The following ADAM23 variants were observed in gnomAD, a reference collection of about 807,000 sequenced individuals.
ADAM23 encodes ADAM metallopeptidase domain 23.
ADAM23 carries 33 observed loss-of-function variants against 120.1 expected under a neutral mutation model. The observed-to-expected ratio is 0.27, with a 90% CI of 0.21 to 0.37. The LOEUF (loss-of-function observed/expected upper bound fraction) is 0.37, where lower values mean the gene tolerates loss of function less well. Among genes scored for constraint, ADAM23 ranks in the 10% least tolerant of loss-of-function variants. The probability of loss-of-function intolerance (pLI) is 1.00; values close to 1 mark genes in which losing one functional copy is unlikely to be tolerated. For synonymous variants in ADAM23, 367 were observed against 375.2 expected, an observed-to-expected ratio of 0.98 and a Z score of 0.25; for missense variants, 862 against 1,058.2, an observed-to-expected ratio of 0.81 and a Z score of 2.57.
At chr2:206,571,605 C>G in intron 16 of ADAM23, 122 bp from the exon 17 acceptor site, 1 of 613,068 alleles carries the variant, frequency 1.6e-6, no homozygotes. Context: ...AATTCTTTCC[C>G]AGAATATTTG....
chr2:206,527,625 C>T (rs902947537), intron 3 of ADAM23, among the ~76,000 whole-genome samples: 1 of 152,168 alleles, frequency 6.6e-6, no homozygotes, highest in Non-Finnish European at 1.5e-5. Flanking sequence ...GCATTTTTCA[C>T]CCTGTTTCCA....
At chr2:206,484,254 G>A (rs988409194) in intron 3 of ADAM23, among the ~76,000 whole-genome samples, 1 of 152,096 alleles carries the variant, frequency 6.6e-6, no homozygotes, top group African/African-American at 2.4e-5. Context: ...CTACTGTAGG[G>A]GTTGGGATGG....
rs1362949148 is a variant in ADAM23, at chr2:206,443,998, C to T, written c.132C>T (p.Cys44=). 2.1e-6 allele frequency: 3 copies of T among 1,401,472 alleles called. No homozygotes were observed. The highest frequency in any genetic ancestry group is 5.1e-5 in the Admixed American group (2 of 39,278). The allele number at this position is 1,401,472 out of a possible 1,614,324, so 86.8% of individuals were successfully genotyped here. Residue 44 remains cysteine, a synonymous_variant, in exon 1 of 26, where the codon TGC becomes TGT. Coordinates refer to ENST00000264377, the MANE Select transcript of ADAM23 (RefSeq NM_003812.4). ...GCGCCCCGGCCCGCACGCCGCCCTGCCGCCTGCTTCTCGTCCTTCTCCTGC... is the reference window on the plus strand; with the variant it reads ...GCGCCCCGGCCCGCACGCCGCCCTGTCGCCTGCTTCTCGTCCTTCTCCTGC... ...PASAPARTPP[C]RLLLVLLLLP...
intron 2 of ADAM23, among the ~76,000 whole-genome samples, chr2:206,477,889 A>ATATATATATATATATATATATATATAT (rs371133867): frequency 1.8e-5 from 1 of 54,508 alleles, no homozygotes; most frequent in African/African-American, 1.0e-4. Context: ...TTAAAAAAAA[A>ATATATATATATATATATATATATATAT]AAAAAAAAAT....
At chr2:206,518,934 G>A (rs762000446) in intron 3 of ADAM23, among the ~76,000 whole-genome samples, 4 of 152,146 alleles carry the variant, frequency 2.6e-5, no homozygotes, top group Admixed American at 6.6e-5. Context: ...TCAAATAGAC[G>A]TGTGTGTTAA....
intron 3 of ADAM23, among the ~76,000 whole-genome samples, chr2:206,506,738 T>C (rs555888774): frequency 3.3e-5 from 5 of 152,362 alleles, no homozygotes; most frequent in African/African-American, 1.2e-4. Context: ...CCCGTCATGC[T>C]TAATCATCAT....
At chr2:206,609,459 A>G (rs1698788564) in intron 24 of ADAM23, among the ~76,000 whole-genome samples, 1 of 152,130 alleles carries the variant, frequency 6.6e-6, no homozygotes, top group South Asian at 2.1e-4. Flanking sequence ...CATTCAGACC[A>G]CTTTTAGGTG....
intron 2 of ADAM23, among the ~76,000 whole-genome samples, chr2:206,478,188 G>A (rs1261386633): frequency 1.3e-5 from 2 of 151,740 alleles, no homozygotes; most frequent in Non-Finnish European, 1.5e-5. Context: ...AGAATGTATA[G>A]CAATGGAAAG....
chr2:206,559,619 C>A (rs1574533693), intron 10 of ADAM23, among the ~76,000 whole-genome samples: 1 of 152,128 alleles, frequency 6.6e-6, no homozygotes, highest in African/African-American at 2.4e-5. Context: ...CAACCTGTTA[C>A]CTGCTATGAG....
chr2:206,587,385 G>T lies in ADAM23; in HGVS notation c.1788+10G>T, dbSNP rs776321885. 2.3e-5 allele frequency: 36 copies of T among 1,591,052 alleles called. No individual in the cohort carries two copies. Among genetic ancestry groups the T allele is most frequent in the East Asian group, 4.5e-5 (2 of 44,578 alleles). ...ATGCAATCAAAATCAGGTATGCTGG[G>T]CTATAAATTTTAAGTGTAATTTAAA... On this transcript the variant is annotated intron_variant, in intron 19 of 25. Transcript: ENST00000264377.
At chr2:206,526,344 A>T (rs562475611) in intron 3 of ADAM23, among the ~76,000 whole-genome samples, 1 of 152,312 alleles carries the variant, frequency 6.6e-6, no homozygotes, top group Middle Eastern at 3.4e-3. Flanking sequence ...ATTTGTGATA[A>T]ATCCTGAAAT....
At chr2:206,601,410 A>G (rs563964609) in intron 24 of ADAM23, among the ~76,000 whole-genome samples, 5 of 152,208 alleles carry the variant, frequency 3.3e-5, no homozygotes, top group Admixed American at 6.5e-5. Flanking sequence ...GGCAGAGCCA[A>G]TAATATAACA....
chr2:206,451,856 A>G (rs1445147731), intron 2 of ADAM23, among the ~76,000 whole-genome samples: 1 of 152,200 alleles, frequency 6.6e-6, no homozygotes, highest in Admixed American at 6.5e-5. Flanking sequence ...AGATGAGCGC[A>G]TATTGATTGA....
At chr2:206,594,267 T>C (rs1424977369) in intron 22 of ADAM23, among the ~76,000 whole-genome samples, 2 of 152,178 alleles carry the variant, frequency 1.3e-5, no homozygotes, top group African/African-American at 4.8e-5. Context: ...CTGATTTGTT[T>C]ATGTTTTTCA....
intron 3 of ADAM23, among the ~76,000 whole-genome samples, chr2:206,482,281 A>G (rs1054092294): frequency 4.6e-5 from 7 of 152,198 alleles, no homozygotes; most frequent in Admixed American, 2.6e-4. Context: ...AGAATTGCCT[A>G]TGTAAAGGTA....
chr2:206,478,392 A>G (rs1574488293), intron 2 of ADAM23, among the ~76,000 whole-genome samples: 1 of 152,138 alleles, frequency 6.6e-6, no homozygotes, highest in East Asian at 1.9e-4. Context: ...CTTACTGATA[A>G]AGGTAATAAA....
intron 3 of ADAM23, among the ~76,000 whole-genome samples, chr2:206,515,404 G>A (rs1211330290): frequency 1.3e-5 from 2 of 152,116 alleles, no homozygotes; most frequent in African/African-American, 4.8e-5. Flanking sequence ...CAGCTTTGTT[G>A]TGGTGGCACG....
At position 206,463,230 on chromosome 2, in the gene ADAM23, T is replaced by C. The variant is rs1278393301; in HGVS notation, c.432+17706T>C. 2.0e-5 allele frequency among the ~76,000 whole-genome samples: 3 copies of C among 152,174 alleles called. No individual in the cohort carries two copies. In the East Asian group the frequency reaches 5.8e-4, roughly 29 times the overall value. On this transcript the variant is annotated intron_variant, in intron 2 of 25. Transcript: ENST00000264377. ...TTGAGGCTACTGAGATGGGAGTATATCCTGGATTATCTGGGTGGGCCCAGT... is the reference window on the plus strand; with the variant it reads ...TTGAGGCTACTGAGATGGGAGTATACCCTGGATTATCTGGGTGGGCCCAGT...
chr2:206,522,242 C>T (rs1696858996), intron 3 of ADAM23, among the ~76,000 whole-genome samples: 2 of 151,418 alleles, frequency 1.3e-5, no homozygotes, highest in Non-Finnish European at 2.9e-5. Flanking sequence ...GAAACTTTTC[C>T]CCCTAGATTA....
Sources: allele counts gnomAD v4.1 joint callset (sites outside exome capture counted in the v4.1 genomes callset), GRCh38; gene constraint gnomAD v4.1.1; transcripts MANE v1.5; gene names NCBI Gene and HGNC (gene_info 2026-07-23, HGNC 2026-07-21).